Variants in MACIR observed in about 807,000 individuals in gnomAD.
The protein encoded by MACIR is UNC119-binding protein C5orf30.
In MACIR, 4 loss-of-function variants were observed where a neutral mutation model predicts 14.3. The ratio of observed to expected loss-of-function variants is 0.28; its 90% confidence interval spans 0.14 to 0.64. MACIR has a LOEUF of 0.64. Ranked by LOEUF, MACIR falls within the 30% of genes least tolerant of loss-of-function variation. MACIR has a pLI of 0.83. For missense variants in MACIR, 228 were observed against 257.6 expected (o/e 0.89, Z 0.79); for synonymous variants, 101 against 102.4 (o/e 0.99, Z 0.08).
intron 1 of MACIR, among the ~76,000 whole-genome samples, chr5:103,261,682 CT>C (rs1469674229): frequency 9.9e-4 from 123 of 123,696 alleles, no homozygotes; most frequent in African/African-American, 3.8e-3. Context: ...TTCTTTCTTT[CT>C]TTCTTTCTTT....
At chr5:103,275,316 T>C (rs548551725) in intron 2 of MACIR, among the ~76,000 whole-genome samples, 1 of 152,324 alleles carries the variant, frequency 6.6e-6, no homozygotes, top group South Asian at 2.1e-4. Context: ...AGACTCCTCA[T>C]ACTCTAAGAA....
rs1032387383 is a variant in MACIR, at chr5:103,258,792, C to G, written c.-218C>G. On this transcript the variant is annotated 5_prime_UTR_variant, in exon 1 of 3. Transcript: ENST00000319933. ...GAGGGTACCCGGCTGGCTCGGCTGG[C>G]GGCCTCTGCCTGGATCTCGGCGCCG... is the stretch of plus-strand genomic sequence containing the variant. The G allele has an allele frequency of 6.6e-6, 1 of 152,444 alleles. No homozygotes were observed. The highest frequency in any genetic ancestry group is 1.9e-4 in the East Asian group (1 of 5,176). The allele number at this position is 152,444 out of a possible 1,614,324, so 9.4% of individuals were successfully genotyped here. A position where few individuals can be genotyped will look rare whatever the true frequency, so the allele number is the denominator to read the frequency against.
At chr5:103,275,089 C>T (rs146862490) in intron 2 of MACIR, among the ~76,000 whole-genome samples, 86 of 152,160 alleles carry the variant, frequency 5.7e-4, no homozygotes, top group African/African-American at 1.6e-3. Context: ...AAAAGTACAA[C>T]GTCTTGGGTA....
chr5:103,267,066 A>G (rs1804950423), intron 2 of MACIR, among the ~76,000 whole-genome samples: 1 of 152,106 alleles, frequency 6.6e-6, no homozygotes, highest in South Asian at 2.1e-4. Context: ...AAACTAGAGC[A>G]ATGGGTAGAA....
At chr5:103,272,363 C>CTTT (rs11450687) in intron 2 of MACIR, among the ~76,000 whole-genome samples, 23,358 of 142,740 alleles carry the variant, frequency 0.16, 1,979 homozygotes, top group East Asian at 0.27. Flanking sequence ...TCTTTAGTGT[C>CTTT]TTTTTTTTTT....
Position 103,276,050 on chromosome 5 carries a change from T to C in MACIR, c.131T>C (p.Met44Thr), listed in dbSNP as rs375435402. The C allele has an allele frequency of 2.5e-6, 4 of 1,614,050 alleles. No homozygotes were observed. Among genetic ancestry groups the C allele is most frequent in the Non-Finnish European group, 3.4e-6 (4 of 1,180,010 alleles). The stretch of plus-strand genomic sequence containing the variant: ...TGCTCCAGCACACCCTGCTCCCCGA[T>C]GCGGAGGACCGTGTCAGGCTACCAG... ...PRCSSTPCSP[M>T]RRTVSGYQIL... is the part of the protein sequence containing the mutation. The change falls in exon 3 of 3, where the codon ATG (methionine) becomes ACG (threonine). Residue 44 changes from methionine to threonine, a missense_variant. Coordinates refer to ENST00000319933, the MANE Select transcript of MACIR (RefSeq NM_033211.4).
chr5:103,259,548 T>C lies in MACIR; in HGVS notation c.-114+652T>C, dbSNP rs1473460715. 3 of 152,056 alleles carry C rather than the reference T, an allele frequency of 2.0e-5. No homozygotes were observed. The East Asian group carries it at 5.8e-4, about 30-fold the overall frequency. The allele number at this position is 152,056 out of a possible 1,614,324, so 9.4% of individuals were successfully genotyped here. A position where few individuals can be genotyped will look rare whatever the true frequency, so the allele number is the denominator to read the frequency against. On this transcript the variant is annotated intron_variant, in intron 1 of 2. Transcript: ENST00000319933. ...CGCGCTCAGGGTGCGACTGCCCGGG[T>C]CAGATAGCACCTCAGGGCGAGCCCC...
chr5:103,261,646 C>CT lies in MACIR; in HGVS notation c.-114+2753dup, dbSNP rs1414470018. 2.9e-3 allele frequency among the ~76,000 whole-genome samples: 165 copies of CT among 57,162 alleles called. 1 individual carries two copies. Among genetic ancestry groups the CT allele is most frequent in the African/African-American group, 0.011 (130 of 11,330 alleles). The allele number at this position is 57,162 out of a possible 152,430, so 37.5% of individuals were successfully genotyped here. ...ATACTACCTGTTTTTCTTTTTCTTT[C>CT]TTTCTTTCTTTCTTTCTTTCTTTCT... On this transcript the variant is annotated intron_variant, in intron 1 of 2. Coordinates refer to ENST00000319933, the MANE Select transcript of MACIR (RefSeq NM_033211.4).
Position 103,263,943 on chromosome 5 carries a change from G to A in MACIR, c.-113-1965G>A, listed in dbSNP as rs547377611. ...AGAGTCCATGATTCAGAAGGATTTT[G>A]TATAAGACTTTCCACGATGTGCCAC... On this transcript the variant is annotated intron_variant, in intron 1 of 2. Coordinates refer to ENST00000319933, the MANE Select transcript of MACIR (RefSeq NM_033211.4). 3.3e-5 allele frequency among the ~76,000 whole-genome samples: 5 copies of A among 152,208 alleles called. No homozygotes were observed. The South Asian group carries it at 1.0e-3, about 32-fold the overall frequency.
chr5:103,270,707 A>G (rs1260669463), intron 2 of MACIR, among the ~76,000 whole-genome samples: 1 of 152,202 alleles, frequency 6.6e-6, no homozygotes, highest in African/African-American at 2.4e-5. Flanking sequence ...GGTTAAAGAA[A>G]TTAGCAAGTA....
chr5:103,271,716 G>T (rs782183359), intron 2 of MACIR, among the ~76,000 whole-genome samples: 24 of 151,854 alleles, frequency 1.6e-4, no homozygotes, highest in Non-Finnish European at 2.6e-4. Flanking sequence ...TATTGTTCCT[G>T]GTACTTTTTA....
At position 103,276,586 on chromosome 5, in the gene MACIR, G is replaced by T. The variant is rs781982574; in HGVS notation, c.*46G>T. On this transcript the variant is annotated 3_prime_UTR_variant, in exon 3 of 3. Transcript: ENST00000319933. ...ACCAATTTAGGTCAGCCTACGCTTG[G>T]CTAGAAAAAACCCACTGCTGTACTC... is the stretch of plus-strand genomic sequence containing the variant. 6.5e-7 allele frequency: 1 copy of T among 1,548,006 alleles called. No individual in the cohort carries two copies. Among genetic ancestry groups the T allele is most frequent in the Admixed American group, 2.0e-5 (1 of 50,234 alleles).
rs115176710 is a variant in MACIR, at chr5:103,273,683, A to T, written c.-23-2214A>T. ...GCCTGTGCCTCCTCCTCATTACTGT[A>T]ACTTTGTGCATTATTAACTTACTTA... On this transcript the variant is annotated intron_variant, in intron 2 of 2. Coordinates refer to ENST00000319933, the MANE Select transcript of MACIR (RefSeq NM_033211.4). Among the ~76,000 whole-genome samples the T allele has an allele frequency of 5.0e-3, 760 of 152,238 alleles. 5 individuals carry two copies. Among genetic ancestry groups the T allele is most frequent in the Non-Finnish European group, 9.4e-3 (638 of 68,020 alleles).
chr5:103,270,727 C>T (rs1342598705), intron 2 of MACIR, among the ~76,000 whole-genome samples: 1 of 151,984 alleles, frequency 6.6e-6, no homozygotes, highest in Non-Finnish European at 1.5e-5. Context: ...AGGATGGTGC[C>T]CCAGGCTTAG....
At chr5:103,261,426 C>T (rs1394364874) in intron 1 of MACIR, among the ~76,000 whole-genome samples, 3 of 152,104 alleles carry the variant, frequency 2.0e-5, no homozygotes, top group African/African-American at 7.2e-5. Flanking sequence ...GACAGTTAAG[C>T]CATTTTATTT....
chr5:103,276,078 C>T lies in MACIR; in HGVS notation c.159C>T (p.Ile53=), dbSNP rs782720333. The T allele has an allele frequency of 6.2e-7, 1 of 1,614,006 alleles. No homozygotes were observed. The change falls in exon 3 of 3, where the codon ATC becomes ATT. Residue 53 remains isoleucine, a synonymous_variant. Coordinates refer to ENST00000319933, the MANE Select transcript of MACIR (RefSeq NM_033211.4). ...PMRRTVSGYQ[I]LHMDSNYLVG... is the part of the protein sequence containing the mutation. Reference sequence around the variant, plus strand: ...GGAGGACCGTGTCAGGCTACCAGATCCTACACATGGACTCTAACTATTTGG... The same window carrying T: ...GGAGGACCGTGTCAGGCTACCAGATTCTACACATGGACTCTAACTATTTGG...
chr5:103,271,651 G>A (rs1383796275), intron 2 of MACIR, among the ~76,000 whole-genome samples: 4 of 152,040 alleles, frequency 2.6e-5, no homozygotes, highest in Non-Finnish European at 4.4e-5. Context: ...ATTGTTACTG[G>A]TTGGATTGTG....
intron 2 of MACIR, among the ~76,000 whole-genome samples, chr5:103,274,707 C>T (rs1554237459): frequency 6.6e-6 from 1 of 151,386 alleles, no homozygotes; most frequent in Non-Finnish European, 1.5e-5. Flanking sequence ...AATACCCAAA[C>T]TTTAAGAAAT....
chr5:103,269,091 C>G (rs1393073598), intron 2 of MACIR, among the ~76,000 whole-genome samples: 2 of 151,998 alleles, frequency 1.3e-5, no homozygotes, highest in East Asian at 3.9e-4. Context: ...CACCTATGTC[C>G]CAGCTACTTG....
Sources: allele counts gnomAD v4.1 joint callset (sites outside exome capture counted in the v4.1 genomes callset), GRCh38; gene constraint gnomAD v4.1.1; transcripts MANE v1.5; gene names NCBI Gene and HGNC (gene_info 2026-07-23, HGNC 2026-07-21).